WDR64: variants seen among roughly 807,000 people sequenced by gnomAD.
WDR64 encodes the protein WD repeat-containing protein 64.
WDR64 carries 112 observed loss-of-function variants against 139.3 expected under a neutral mutation model. That is an observed-to-expected ratio of 0.80 (90% CI 0.69 to 0.94). The LOEUF is 0.94. Ranked by LOEUF, WDR64 falls within the 40% of genes least tolerant of loss-of-function variation. The pLI, the probability that WDR64 is intolerant of heterozygous loss-of-function variation, is 0.00. For synonymous variants in WDR64, 444 were observed against 437.7 expected, an observed-to-expected ratio of 1.01 and a Z score of -0.18; for missense variants, 1,206 against 1,293.1, an observed-to-expected ratio of 0.93 and a Z score of 1.03.
intron 10 of WDR64, among the ~76,000 whole-genome samples, chr1:241,725,900 G>C (rs1040708721): frequency 8.5e-5 from 13 of 152,196 alleles, no homozygotes; most frequent in Admixed American, 8.5e-4. Flanking sequence ...TGGTGCAATG[G>C]GGCTCATTGC....
chr1:241,739,903 G>A (rs964083324), intron 11 of WDR64, among the ~76,000 whole-genome samples: 2 of 152,174 alleles, frequency 1.3e-5, no homozygotes, highest in African/African-American at 4.8e-5. Context: ...GCAACCATCA[G>A]TCCTCTAAAT....
intron 27 of WDR64, among the ~76,000 whole-genome samples, chr1:241,799,900 T>C (rs1659473342): frequency 5.9e-5 from 9 of 152,176 alleles, no homozygotes; most frequent in Admixed American, 5.9e-4. Context: ...AAAATCCATT[T>C]TTTCCAAAAT....
chr1:241,705,336 T>C (rs1219125350), intron 8 of WDR64, among the ~76,000 whole-genome samples: 1 of 151,750 alleles, frequency 6.6e-6, no homozygotes. Context: ...GGTCAGGAGA[T>C]CGAGACCATC....
intron 10 of WDR64, among the ~76,000 whole-genome samples, chr1:241,724,628 T>C (rs1171271717): frequency 6.6e-6 from 1 of 152,188 alleles, no homozygotes; most frequent in African/African-American, 2.4e-5. Flanking sequence ...ATTAAAGATT[T>C]TAAATTTAAA....
chr1:241,689,645 T>A (rs1667138768), intron 8 of WDR64, among the ~76,000 whole-genome samples: 1 of 152,086 alleles, frequency 6.6e-6, no homozygotes, highest in Admixed American at 6.5e-5. Context: ...GATGCAGACA[T>A]GGCAAGGAGG....
chr1:241,707,424 A>C (rs1667993290), intron 8 of WDR64, among the ~76,000 whole-genome samples: 1 of 152,140 alleles, frequency 6.6e-6, no homozygotes, highest in African/African-American at 2.4e-5. Context: ...GATATGAAAA[A>C]CTAATTTTTT....
In WDR64 at chr1:241,741,556, A is replaced by G. The variant is rs957301231; in HGVS notation, c.1362A>G (p.Ile454Met). The stretch of plus-strand genomic sequence containing the variant: ...ACATGTATCCTTTGACTAGGATGAT[A>G]CAAGATACAAAACAGGTTCCTCACA... ...VMDMYPLTRM[I>M]QDTKQVPHTH... is the part of the protein sequence containing the mutation. Residue 454 changes from isoleucine (I) to methionine (M), a missense_variant, in exon 12 of 28, where the codon ATA (isoleucine) becomes ATG (methionine). Coordinates refer to ENST00000437684, the MANE Select transcript of WDR64 (RefSeq NM_001367482.1). The G allele has an allele frequency of 2.5e-6, 4 of 1,613,226 alleles. No individual in the cohort carries two copies. Among genetic ancestry groups the G allele is most frequent in the East Asian group, 2.2e-5 (1 of 44,846 alleles).
At chr1:241,674,263 T>TTC (rs1379934771) in intron 3 of WDR64, among the ~76,000 whole-genome samples, 2 of 141,240 alleles carry the variant, frequency 1.4e-5, no homozygotes, top group African/African-American at 2.6e-5. Flanking sequence ...TTTCTTTTCT[T>TTC]TTTTTTTTTT....
At chr1:241,724,361 G>A (rs1668721251) in intron 10 of WDR64, among the ~76,000 whole-genome samples, 1 of 152,064 alleles carries the variant, frequency 6.6e-6, no homozygotes, top group African/African-American at 2.4e-5. Context: ...CAATATTAAA[G>A]CATATCATAA....
At chr1:241,696,456 GC>G (rs1464787741) in intron 8 of WDR64, among the ~76,000 whole-genome samples, 3 of 152,102 alleles carry the variant, frequency 2.0e-5, no homozygotes, top group African/African-American at 7.2e-5. Context: ...TAAAAGAATG[GC>G]TACTCCATAA....
intron 13 of WDR64, 83 bp downstream of exon 13, chr1:241,744,599 G>T: frequency 6.4e-7 from 1 of 1,567,242 alleles, no homozygotes; most frequent in Non-Finnish European, 8.7e-7. Context: ...CTTTAGGGTA[G>T]AAGGAGAGCA....
intron 14 of WDR64, among the ~76,000 whole-genome samples, chr1:241,751,310 T>C (rs7530794): frequency 0.54 from 81,601 of 151,822 alleles, 23,302 homozygotes; most frequent in Middle Eastern, 0.69. Context: ...TTATAATAAA[T>C]TTCTTTCCCT....
intron 14 of WDR64, among the ~76,000 whole-genome samples, chr1:241,754,643 C>A (rs972592527): frequency 6.6e-6 from 1 of 152,020 alleles, no homozygotes; most frequent in Non-Finnish European, 1.5e-5. Flanking sequence ...CACAGGTATA[C>A]ACGTGCCATG....
chr1:241,668,861 C>T (rs1039013779), intron 2 of WDR64, among the ~76,000 whole-genome samples: 1 of 151,516 alleles, frequency 6.6e-6, no homozygotes, highest in Non-Finnish European at 1.5e-5. Context: ...GATCACACCA[C>T]TGCACTCCAG....
Position 241,783,277 on chromosome 1 carries a change from C to T in WDR64, c.2601C>T (p.Phe867=), listed in dbSNP as rs1658912931. The change falls in exon 23 of 28, where the codon TTC becomes TTT. Residue 867 remains phenylalanine, a synonymous_variant. Transcript: ENST00000437684. ...FLDPPHDEKK[F]KQLLSWRAHS... ...GCCTTGTTTTTGCTATCTAGAAATT[C>T]AAGCAGCTGCTTTCCTGGCGTGCTC... 6.2e-7 allele frequency: 1 copy of T among 1,613,176 alleles called. No homozygotes were observed. The highest frequency in any genetic ancestry group is 2.2e-5 in the East Asian group (1 of 44,866).
chr1:241,677,685 T>G (rs544444205), intron 4 of WDR64, among the ~76,000 whole-genome samples: 1 of 152,204 alleles, frequency 6.6e-6, no homozygotes, highest in East Asian at 1.9e-4. Flanking sequence ...AATAGGTGCT[T>G]ACTGAATAAA....
At chr1:241,741,319 G>A (rs1230935540) in intron 11 of WDR64, among the ~76,000 whole-genome samples, 197 bp from the exon 12 acceptor site, 1 of 152,216 alleles carries the variant, frequency 6.6e-6, no homozygotes, top group Admixed American at 6.5e-5. Flanking sequence ...TTCTGTGGCT[G>A]AATCGTATGT....
intron 8 of WDR64, among the ~76,000 whole-genome samples, chr1:241,697,119 A>G (rs1229289209): frequency 1.3e-5 from 2 of 151,748 alleles, no homozygotes; most frequent in African/African-American, 4.8e-5. Context: ...CAGAACCCCA[A>G]CCCTTCTGTT....
At chr1:241,711,675 C>T (rs963118278) in intron 8 of WDR64, 127 bp from the exon 9 acceptor site, 36 of 837,652 alleles carry the variant, frequency 4.3e-5, no homozygotes, top group African/African-American at 2.1e-4. Flanking sequence ...ACTTGTAATA[C>T]GGCCTGGGGG....
Sources: allele counts gnomAD v4.1 joint callset (sites outside exome capture counted in the v4.1 genomes callset), GRCh38; gene constraint gnomAD v4.1.1; transcripts MANE v1.5; gene names NCBI Gene and HGNC (gene_info 2026-07-23, HGNC 2026-07-21).